The following COG5 variants were observed in gnomAD, a reference collection of about 807,000 sequenced individuals.
COG5 encodes the protein conserved oligomeric Golgi complex subunit 5.
In COG5, 86 loss-of-function variants were observed where a neutral mutation model predicts 110.4. That is an observed-to-expected ratio of 0.78 (90% CI 0.65 to 0.93). The LOEUF is 0.93. Among genes scored for constraint, COG5 ranks in the 40% least tolerant of loss-of-function variants. The probability of loss-of-function intolerance (pLI) is 0.00; values close to 1 mark genes in which losing one functional copy is unlikely to be tolerated. For synonymous variants in COG5, 360 were observed against 334.6 expected, an observed-to-expected ratio of 1.08 and a Z score of -0.83; for missense variants, 1,077 against 987.0, an observed-to-expected ratio of 1.09 and a Z score of -1.22.
intron 6 of COG5, among the ~76,000 whole-genome samples, chr7:107,456,371 A>G (rs1795670480): frequency 6.6e-6 from 1 of 152,236 alleles, no homozygotes; most frequent in African/African-American, 2.4e-5. Flanking sequence ...GATTTACCCT[A>G]GCAACTAGAA....
At chr7:107,284,772 G>A (rs1805489141) in intron 12 of COG5, among the ~76,000 whole-genome samples, 1 of 152,108 alleles carries the variant, frequency 6.6e-6, no homozygotes, top group African/African-American at 2.4e-5. Context: ...ACTATCAAAT[G>A]TCTATAACCA....
chr7:107,339,839 G>A (rs923496018), intron 10 of COG5, among the ~76,000 whole-genome samples: 6 of 151,592 alleles, frequency 4.0e-5, no homozygotes, highest in South Asian at 2.1e-4. Context: ...ATAACATACC[G>A]AAATCTCTGT....
intron 6 of COG5, among the ~76,000 whole-genome samples, chr7:107,423,366 T>C (rs966932440): frequency 6.6e-6 from 1 of 152,172 alleles, no homozygotes; most frequent in Non-Finnish European, 1.5e-5. Flanking sequence ...AAACTATGAA[T>C]AACTGAACAA....
chr7:107,245,743 G>A (rs796985818), intron 17 of COG5, among the ~76,000 whole-genome samples: 13 of 152,306 alleles, frequency 8.5e-5, no homozygotes, highest in African/African-American at 3.1e-4. Flanking sequence ...AACATCCCAT[G>A]CTCATGGATA....
chr7:107,301,947 T>C (rs1807304068), intron 11 of COG5, among the ~76,000 whole-genome samples: 1 of 152,158 alleles, frequency 6.6e-6, no homozygotes, highest in African/African-American at 2.4e-5. Context: ...GATAAAAAAT[T>C]GTATACTTAT....
intron 10 of COG5, among the ~76,000 whole-genome samples, chr7:107,342,368 CA>C (rs796981383): frequency 0.02 from 1,976 of 97,758 alleles, 26 homozygotes; most frequent in African/African-American, 0.051. Context: ...ACAAACAAAC[CA>C]AAAAAAAAAA....
At chr7:107,476,661 A>C (rs1797015293) in intron 6 of COG5, among the ~76,000 whole-genome samples, 1 of 151,758 alleles carries the variant, frequency 6.6e-6, no homozygotes, top group Non-Finnish European at 1.5e-5. Flanking sequence ...GATAAGTGTC[A>C]ATATCACTAT....
intron 7 of COG5, among the ~76,000 whole-genome samples, chr7:107,383,124 G>T (rs974931765): frequency 6.6e-6 from 1 of 152,112 alleles, no homozygotes; most frequent in South Asian, 2.1e-4. Flanking sequence ...CCAAATCCTG[G>T]CAAGCATGAC....
intron 19 of COG5, among the ~76,000 whole-genome samples, chr7:107,226,695 T>C (rs1800365257): frequency 6.6e-6 from 1 of 152,200 alleles, no homozygotes; most frequent in Admixed American, 6.5e-5. Context: ...AAACATTCTT[T>C]GTAGACCAGG....
chr7:107,346,682 A>G (rs1811634708), intron 10 of COG5, among the ~76,000 whole-genome samples: 1 of 152,120 alleles, frequency 6.6e-6, no homozygotes, highest in East Asian at 1.9e-4. Context: ...AACACCACAT[A>G]AACAGGAGGA....
chr7:107,311,956 T>C (rs935172400), intron 11 of COG5, among the ~76,000 whole-genome samples: 1 of 152,110 alleles, frequency 6.6e-6, no homozygotes, highest in African/African-American at 2.4e-5. Context: ...GCTTGAATGG[T>C]TTCATATTTC....
Position 107,222,970 on chromosome 7 carries a change from C to T in COG5, c.2168+7645G>A, listed in dbSNP as rs1471463827. Among the ~76,000 whole-genome samples, 3 of 152,104 alleles carry T rather than the reference C, an allele frequency of 2.0e-5. No homozygotes were observed. In the South Asian group the frequency reaches 6.2e-4, roughly 32 times the overall value. On this transcript the variant is annotated intron_variant, in intron 19 of 21. Transcript: ENST00000297135. The stretch of plus-strand genomic sequence containing the variant: ...TATGCAGCTGTCAGTCTTCTGACAG[C>T]TTGTTAAGGCCAATCATGAAGTAAA...
At chr7:107,230,505 T>C in intron 19 of COG5, 110 bp downstream of exon 19, 1 of 812,276 alleles carries the variant, frequency 1.2e-6, no homozygotes, top group African/African-American at 1.7e-5. Flanking sequence ...ATTGCCATTG[T>C]TGTAGATCAA....
intron 6 of COG5, among the ~76,000 whole-genome samples, chr7:107,489,805 T>A (rs986335093): frequency 1.6e-4 from 24 of 152,134 alleles, no homozygotes; most frequent in South Asian, 8.3e-4. Context: ...AGATTTTTTT[T>A]AAAAAAAGAA....
chr7:107,387,280 G>C (rs930260747), intron 7 of COG5, among the ~76,000 whole-genome samples: 1 of 152,178 alleles, frequency 6.6e-6, no homozygotes, highest in Non-Finnish European at 1.5e-5. Flanking sequence ...GGCAGCAACA[G>C]GAAGCCAGGC....
At chr7:107,388,096 T>C (rs563371672) in intron 7 of COG5, among the ~76,000 whole-genome samples, 37 of 152,300 alleles carry the variant, frequency 2.4e-4, no homozygotes, top group Non-Finnish European at 3.4e-4. Context: ...GAGAAACTTA[T>C]CTAAACAATT....
At chr7:107,219,756 T>C (rs1300752292) in intron 19 of COG5, among the ~76,000 whole-genome samples, 2 of 152,210 alleles carry the variant, frequency 1.3e-5, no homozygotes, top group Non-Finnish European at 2.9e-5. Flanking sequence ...TTTTGAAATC[T>C]ATTGCACAAC....
At chr7:107,337,442 G>C (rs1182668134) in intron 10 of COG5, among the ~76,000 whole-genome samples, 1 of 152,168 alleles carries the variant, frequency 6.6e-6, no homozygotes, top group East Asian at 1.9e-4. Flanking sequence ...ATACACAATG[G>C]AATACTACTT....
intron 5 of COG5, among the ~76,000 whole-genome samples, chr7:107,530,494 G>C (rs1801117795): frequency 6.6e-6 from 1 of 151,726 alleles, no homozygotes; most frequent in South Asian, 2.1e-4. Flanking sequence ...CCAACTACTT[G>C]GGAGGCTGAG....
Sources: allele counts gnomAD v4.1 joint callset (sites outside exome capture counted in the v4.1 genomes callset), GRCh38; gene constraint gnomAD v4.1.1; transcripts MANE v1.5; gene names NCBI Gene and HGNC (gene_info 2026-07-23, HGNC 2026-07-21).